RPS14: variants seen among roughly 807,000 people sequenced by gnomAD.
RPS14 encodes the protein ribosomal protein S14, also known as small ribosomal subunit protein uS11.
In RPS14, 1 loss-of-function variant was observed where a neutral mutation model predicts 15.4. The ratio of observed to expected loss-of-function variants is 0.07; its 90% CI spans 0.02 to 0.31. The LOEUF (loss-of-function observed/expected upper bound fraction) is 0.31. Ranked by LOEUF, RPS14 falls within the 10% of genes least tolerant of loss-of-function variation. The pLI is 1.00. For missense variants in RPS14, 69 were observed against 205.5 expected (o/e 0.34, Z 4.06); for synonymous variants, 68 against 74.4 (o/e 0.91, Z 0.44).
chr5:150,445,274 T>C (rs1236303984), intron 4 of RPS14: 10 of 398,516 alleles, frequency 2.5e-5, no homozygotes, highest in Non-Finnish European at 4.1e-5. Flanking sequence ...CCAAAAATGC[T>C]GAACATCCTA....
chr5:150,447,041 C>T, intron 2 of RPS14, 78 bp from the exon 3 acceptor site: 2 of 1,531,426 alleles, frequency 1.3e-6, no homozygotes, highest in Non-Finnish European at 1.8e-6. Context: ...TGAAGAGCAA[C>T]ACAGCTCAGT....
chr5:150,447,851 A>C (rs988974311), intron 1 of RPS14, 116 bp from the exon 2 acceptor site: 14 of 1,128,800 alleles, frequency 1.2e-5, no homozygotes. Context: ...TCTTCCATCC[A>C]ATACTCTACT....
intron 3 of RPS14, among the ~76,000 whole-genome samples, chr5:150,445,950 C>T (rs149552422): frequency 0.02 from 3,064 of 152,164 alleles, 48 homozygotes; most frequent in Non-Finnish European, 0.031. Context: ...TTTAGCCAGG[C>T]GTGGTGGCAC....
Position 150,443,456 on chromosome 5 carries a change from G to A in RPS14, c.*830C>T, listed in dbSNP as rs1322559213. On this transcript the variant is annotated 3_prime_UTR_variant, in exon 5 of 5. Coordinates refer to ENST00000407193, the MANE Select transcript of RPS14 (RefSeq NM_005617.4). ...TTTATTTGCTTATTCCCTCTGCCTG[G>A]AACACGCCATCAAAGGCTAAAAGCA... 2 of 152,176 alleles carry A rather than the reference G, an allele frequency of 1.3e-5. No homozygotes were observed. The highest frequency in any genetic ancestry group is 2.9e-5 in the Non-Finnish European group (2 of 68,056). 9.4% of individuals were successfully genotyped at this position (152,176 alleles called of 1,614,324 possible).
intron 4 of RPS14, chr5:150,444,705 A>G (rs1480862694): frequency 2.1e-6 from 1 of 483,070 alleles, no homozygotes; most frequent in Admixed American, 2.4e-5. Context: ...AAGTAAAAAG[A>G]CACTGAAAAA....
chr5:150,445,918 C>T, intron 3 of RPS14, among the ~76,000 whole-genome samples: 1 of 152,080 alleles, frequency 6.6e-6, no homozygotes, highest in Non-Finnish European at 1.5e-5. Context: ...TGGTGAAACC[C>T]CATCTCTACA....
At position 150,446,792 on chromosome 5, in the gene RPS14, C is replaced by A. The variant is rs375321167; in HGVS notation, c.311+10G>T. ...TTCTACCACCCAGCCATCCCCTCTG[C>A]GACTCGTACCTATTTCCTCCTGTGG... On this transcript the variant is annotated intron_variant, in intron 3 of 4. Transcript: ENST00000407193. This position sits in a 1 kb window ranked among gnomAD's most constrained non-coding sequence, Gnocchi z 4.2. The A allele has an allele frequency of 1.2e-6, 2 of 1,611,922 alleles. No individual in the cohort carries two copies. Among genetic ancestry groups the A allele is most frequent in the South Asian group, 2.2e-5 (2 of 90,864 alleles).
intron 2 of RPS14, 51 bp from the exon 3 acceptor site, chr5:150,447,014 T>A: frequency 6.3e-7 from 1 of 1,594,208 alleles, no homozygotes; most frequent in South Asian, 1.1e-5. Context: ...AAGGAGTGCT[T>A]ACGATATCCT....
At chr5:150,444,725 A>G (rs1460381476) in intron 4 of RPS14, 2 of 457,202 alleles carry the variant, frequency 4.4e-6, no homozygotes, top group Non-Finnish European at 8.7e-6. Flanking sequence ...AAAGTCTGAA[A>G]AAATCTTTTA....
intron 1 of RPS14, chr5:150,448,752 T>C (rs1156893438): frequency 2.0e-5 from 3 of 152,320 alleles, no homozygotes; most frequent in Non-Finnish European, 4.4e-5. Flanking sequence ...ATAACTACCC[T>C]AGTCTGTCTC....
rs1273350122 is a variant in RPS14 at position 150,447,671 on chromosome 5, C to G, written c.63G>C (p.Val21=). 4 of 1,614,122 alleles carry G rather than the reference C, an allele frequency of 2.5e-6. No homozygotes were observed. The highest frequency in any genetic ancestry group is 1.7e-6 in the Non-Finnish European group (2 of 1,179,956). The stretch of plus-strand genomic sequence containing the variant: ...CACCAAATACATTCTCTCCTTCAGC[C>G]ACCTGAGGTCCGAGGCTGATGACCT... ...EEQVISLGPQ[V]AEGENVFGVC... Residue 21 remains valine, a synonymous_variant, in exon 2 of 5, where the codon GTG becomes GTC. Transcript: ENST00000407193.
chr5:150,444,646 A>G (rs765684887), intron 4 of RPS14: 15 of 607,302 alleles, frequency 2.5e-5, no homozygotes, highest in South Asian at 2.3e-4. Flanking sequence ...TCTTCTCTAG[A>G]GGAAAAAACC....
intron 1 of RPS14, chr5:150,448,968 T>C (rs924769442): frequency 1.3e-5 from 2 of 152,234 alleles, no homozygotes; most frequent in African/African-American, 2.4e-5. Flanking sequence ...TCGAGAAGCA[T>C]AGAAAGGCTC....
chr5:150,447,510 G>C (rs543939853), intron 2 of RPS14, 75 bp downstream of exon 2: 2 of 1,446,250 alleles, frequency 1.4e-6, no homozygotes, highest in South Asian at 1.1e-5. Context: ...AGAATCCCCT[G>C]AACTGCTAGC....
chr5:150,449,163 T>C (rs1201679762), intron 1 of RPS14: 1 of 152,192 alleles, frequency 6.6e-6, no homozygotes, highest in African/African-American at 2.4e-5. Flanking sequence ...GCCCAGAACT[T>C]GCAACGTGCC....
intron 4 of RPS14, 38 bp downstream of exon 4, chr5:150,445,571 A>G: frequency 6.3e-7 from 1 of 1,593,798 alleles, no homozygotes; most frequent in Non-Finnish European, 8.6e-7. Context: ...CCAATGCTTC[A>G]AAATAAACCC....
intron 3 of RPS14, 82 bp from the exon 4 acceptor site, chr5:150,445,767 T>A: frequency 9.3e-7 from 1 of 1,080,780 alleles, no homozygotes; most frequent in East Asian, 2.5e-5. Flanking sequence ...AACACCCCGC[T>A]AGTTCAGAGG....
rs767267307 is a variant in RPS14, at chr5:150,446,969, G to A, written c.150-6C>T. Reference sequence around the variant, plus strand: ...TCACACGGCAGATGGTTTCCCTGGGGACAAAAGCACAGGGTCATTTCTTCC... The same window carrying A: ...TCACACGGCAGATGGTTTCCCTGGGAACAAAAGCACAGGGTCATTTCTTCC... On this transcript the variant is annotated splice_region_variant and splice_polypyrimidine_tract_variant and intron_variant, in intron 2 of 4. Coordinates refer to ENST00000407193, the MANE Select transcript of RPS14 (RefSeq NM_005617.4). The surrounding 1 kb of genome is among the most constrained non-coding windows in gnomAD (Gnocchi z 4.2). 1.2e-6 allele frequency: 2 copies of A among 1,613,944 alleles called. No homozygotes were observed. The highest frequency in any genetic ancestry group is 8.5e-7 in the Non-Finnish European group (1 of 1,179,940).
intron 1 of RPS14, chr5:150,449,187 G>C (rs3819332): frequency 0.28 from 42,981 of 152,200 alleles, 6,357 homozygotes; most frequent in South Asian, 0.46. Context: ...CTCAGCAACG[G>C]AAAGAATCGC....
Sources: allele counts gnomAD v4.1 joint callset (sites outside exome capture counted in the v4.1 genomes callset), GRCh38; gene constraint gnomAD v4.1.1; non-coding constraint Gnocchi (gnomAD v3.1); transcripts MANE v1.5; gene names NCBI Gene and HGNC (gene_info 2026-07-23, HGNC 2026-07-21).